The following SCRG1 variants were observed in gnomAD, a reference collection of about 807,000 sequenced individuals.
SCRG1 encodes stimulator of chondrogenesis 1.
Under a neutral mutation model 7.7 loss-of-function variants are expected in SCRG1, and 3 were observed. The ratio of observed to expected loss-of-function variants is 0.39; its 90% CI spans 0.18 to 1.01. SCRG1 has a LOEUF of 1.01. SCRG1 is among the 50% of genes least tolerant of loss of function. The probability of loss-of-function intolerance (pLI) is 0.36; values close to 1 mark genes in which losing one functional copy is unlikely to be tolerated. For synonymous variants in SCRG1, 46 were observed against 41.2 expected, an observed-to-expected ratio of 1.12 and a Z score of -0.44; for missense variants, 110 against 117.2, an observed-to-expected ratio of 0.94 and a Z score of 0.28.
At chr4:173,465,623 T>G in the SCRG1 span, among the ~76,000 whole-genome samples, 1 of 151,692 alleles carries the variant, frequency 6.6e-6, no homozygotes, top group Non-Finnish European at 1.5e-5. Context: ...TTGAGGTAAT[T>G]ATATACCTAC....
At chr4:173,412,140 C>G in the SCRG1 span, among the ~76,000 whole-genome samples, 1 of 152,152 alleles carries the variant, frequency 6.6e-6, no homozygotes, top group East Asian at 1.9e-4. Flanking sequence ...GCACCAGTCC[C>G]AAGTCCCAAA....
chr4:173,391,745 T>C (rs771412242), intron 1 of SCRG1, among the ~76,000 whole-genome samples: 10 of 152,156 alleles, frequency 6.6e-5, no homozygotes, highest in Non-Finnish European at 1.3e-4. Context: ...CTAAGCAACA[T>C]AGTAAGACCC....
the SCRG1 span, among the ~76,000 whole-genome samples, chr4:173,485,331 C>A: frequency 6.8e-6 from 1 of 147,794 alleles, no homozygotes; most frequent in African/African-American, 2.5e-5. Flanking sequence ...GTGAATTAGT[C>A]ACTACCAAGT....
At chr4:173,484,118 A>G in the SCRG1 span, among the ~76,000 whole-genome samples, 2 of 72,842 alleles carry the variant, frequency 2.7e-5, no homozygotes, top group Admixed American at 2.6e-4. Flanking sequence ...AATATATAAT[A>G]TACAATATAT....
chr4:173,518,661 C>A, the SCRG1 span, among the ~76,000 whole-genome samples: 1 of 152,178 alleles, frequency 6.6e-6, no homozygotes, highest in African/African-American at 2.4e-5. Flanking sequence ...CATCTGGGAC[C>A]CGCCTTCACC....
the SCRG1 span, among the ~76,000 whole-genome samples, chr4:173,432,617 G>T: frequency 6.6e-6 from 1 of 152,178 alleles, no homozygotes; most frequent in South Asian, 2.1e-4. Context: ...AGAGTTTACC[G>T]TGTGCCACAC....
At chr4:173,429,256 C>G in the SCRG1 span, among the ~76,000 whole-genome samples, 6 of 151,580 alleles carry the variant, frequency 4.0e-5, no homozygotes, top group Non-Finnish European at 8.8e-5. Flanking sequence ...AGTAAGAAAC[C>G]ATTCTTGTTT....
chr4:173,459,587 C>T, the SCRG1 span, among the ~76,000 whole-genome samples: 1 of 151,960 alleles, frequency 6.6e-6, no homozygotes, highest in East Asian at 1.9e-4. Flanking sequence ...GCAACATATC[C>T]GAATTTATGA....
chr4:173,445,275 AG>A, the SCRG1 span, among the ~76,000 whole-genome samples: 2 of 152,206 alleles, frequency 1.3e-5, no homozygotes, highest in Admixed American at 1.3e-4. Context: ...GTTTTACCAC[AG>A]AAAATATAGA....
intron 1 of SCRG1, among the ~76,000 whole-genome samples, chr4:173,395,870 G>A (rs986850420): frequency 6.6e-6 from 1 of 152,224 alleles, no homozygotes; most frequent in African/African-American, 2.4e-5. Context: ...CAAGAAGGAA[G>A]ATTGGGAACA....
chr4:173,460,391 G>T, the SCRG1 span, among the ~76,000 whole-genome samples: 3 of 152,214 alleles, frequency 2.0e-5, no homozygotes, highest in South Asian at 2.1e-4. Context: ...ACAGCTCACA[G>T]CTTCAAAAGA....
the SCRG1 span, among the ~76,000 whole-genome samples, chr4:173,429,523 C>G: frequency 6.6e-6 from 1 of 152,148 alleles, no homozygotes; most frequent in Non-Finnish European, 1.5e-5. Flanking sequence ...TCTCAAACTC[C>G]TGGCATCAAG....
At chr4:173,418,957 CTCTTT>C in the SCRG1 span, among the ~76,000 whole-genome samples, 1 of 152,300 alleles carries the variant, frequency 6.6e-6, no homozygotes, top group Admixed American at 6.5e-5. Context: ...TCAATCAAAC[CTCTTT>C]TCTTAATAAA....
the SCRG1 span, among the ~76,000 whole-genome samples, chr4:173,484,128 T>TAATATAC: frequency 0.01 from 830 of 80,388 alleles, 20 homozygotes; most frequent in African/African-American, 0.041. Context: ...ATACAATATA[T>TAATATAC]AATATATAAT....
chr4:173,455,147 G>A, the SCRG1 span, among the ~76,000 whole-genome samples: 1 of 151,922 alleles, frequency 6.6e-6, no homozygotes, highest in Non-Finnish European at 1.5e-5. Context: ...ATTCTACGGT[G>A]AGGCCACTAG....
In SCRG1 at chr4:173,388,351, T is replaced by C. The variant is rs199703809; in HGVS notation, c.287A>G (p.Asn96Ser). 115 of 1,611,722 alleles carry C rather than the reference T, an allele frequency of 7.1e-5. No homozygotes were observed. The highest frequency in any genetic ancestry group is 9.5e-5 in the Non-Finnish European group (112 of 1,178,616). ...AATACATGAAGATTCTCATTGATTG[T>C]TGCAAGGAATCACGAAAGAGATCTT... is the stretch of plus-strand genomic sequence containing the variant. ...GPKISFVIPC[N>S]NQ Residue 96 changes from asparagine (N) to serine (S), a missense_variant, in exon 3 of 3, where the codon AAC becomes AGC. Transcript: ENST00000296506.
At chr4:173,464,372 G>T in the SCRG1 span, among the ~76,000 whole-genome samples, 1 of 152,136 alleles carries the variant, frequency 6.6e-6, no homozygotes, top group African/African-American at 2.4e-5. Flanking sequence ...TTTTCAGGAA[G>T]TTTAGTTGAT....
the SCRG1 span, among the ~76,000 whole-genome samples, chr4:173,475,895 A>C: frequency 6.6e-6 from 1 of 152,178 alleles, no homozygotes; most frequent in Non-Finnish European, 1.5e-5. Context: ...AGAATAGTCA[A>C]ATTCATAGAG....
At chr4:173,405,921 G>A (rs1739891465) in intron 1 of SCRG1, among the ~76,000 whole-genome samples, 1 of 152,218 alleles carries the variant, frequency 6.6e-6, no homozygotes, top group Non-Finnish European at 1.5e-5. Flanking sequence ...ACCAAGATCT[G>A]GGAGCTAGGT....
Sources: allele counts gnomAD v4.1 joint callset (sites outside exome capture counted in the v4.1 genomes callset), GRCh38; gene constraint gnomAD v4.1.1; transcripts MANE v1.5; gene names NCBI Gene and HGNC (gene_info 2026-07-23, HGNC 2026-07-21).